KALRN: variants seen among roughly 807,000 people sequenced by gnomAD.
The protein encoded by KALRN is kalirin RhoGEF kinase.
Under a neutral mutation model 353.7 loss-of-function variants are expected in KALRN, and 70 were observed. That is an observed-to-expected ratio of 0.20 (90% CI 0.16 to 0.24). KALRN has a LOEUF of 0.24. Among genes scored for constraint, KALRN ranks in the 10% least tolerant of loss-of-function variants. The probability of loss-of-function intolerance (pLI) is 1.00; values close to 1 mark genes in which losing one functional copy is unlikely to be tolerated. For synonymous variants in KALRN, 1,391 were observed against 1,434.8 expected, an observed-to-expected ratio of 0.97 and a Z score of 0.69; for missense variants, 2,791 against 3,756.7, an observed-to-expected ratio of 0.74 and a Z score of 6.72.
At chr3:124,305,727 A>G (rs2077635332) in intron 6 of KALRN, among the ~76,000 whole-genome samples, 1 of 152,128 alleles carries the variant, frequency 6.6e-6, no homozygotes, top group Admixed American at 6.5e-5. Context: ...CCAGTCACTA[A>G]ACAAATAAGC....
In KALRN at chr3:124,398,802, G is replaced by A. The variant is rs560939156; in HGVS notation, c.2277G>A (p.Leu759=). The stretch of plus-strand genomic sequence containing the variant: ...ATGCCCAGGTGCAGATGGAGGAGCT[G>A]TTCCACGAGCGGAAGATCAAGCTGG... ...LDDAQVQMEE[L]FHERKIKLDI... The change falls in exon 13 of 60, where the codon CTG becomes CTA. Residue 759 remains leucine, a synonymous_variant. Coordinates refer to ENST00000682506, the MANE Select transcript of KALRN (RefSeq NM_001388419.1). 5.6e-5 allele frequency: 90 copies of A among 1,614,180 alleles called. 1 individual carries two copies. The highest frequency in any genetic ancestry group is 1.4e-4 in the South Asian group (13 of 91,082).
At chr3:124,243,195 C>G (rs1226630097) in intron 3 of KALRN, among the ~76,000 whole-genome samples, 1 of 152,158 alleles carries the variant, frequency 6.6e-6, no homozygotes, top group African/African-American at 2.4e-5. Flanking sequence ...TTTGAGGCTC[C>G]TTCATTTCCA....
intron 33 of KALRN, among the ~76,000 whole-genome samples, chr3:124,551,079 G>A (rs1447990673): frequency 6.6e-6 from 1 of 152,200 alleles, no homozygotes; most frequent in Non-Finnish European, 1.5e-5. Context: ...GTGTTCCCTA[G>A]AGGGCATGTC....
intron 1 of KALRN, among the ~76,000 whole-genome samples, chr3:124,165,011 T>A (rs1457313248): frequency 1.3e-5 from 2 of 152,236 alleles, no homozygotes; most frequent in Non-Finnish European, 2.9e-5. Context: ...ATAAAATCTA[T>A]CAGCTCTCAT....
chr3:124,391,597 G>A (rs2089395279), intron 11 of KALRN, among the ~76,000 whole-genome samples: 1 of 152,156 alleles, frequency 6.6e-6, no homozygotes, highest in Non-Finnish European at 1.5e-5. Flanking sequence ...GACATACATA[G>A]AGGAAACCTT....
intron 3 of KALRN, among the ~76,000 whole-genome samples, chr3:124,256,484 T>C (rs2072001841): frequency 6.6e-6 from 1 of 152,192 alleles, no homozygotes; most frequent in Non-Finnish European, 1.5e-5. Context: ...TTTTTAAGCC[T>C]TCTCCAAAGA....
chr3:124,254,212 A>T (rs1030961286), intron 3 of KALRN, among the ~76,000 whole-genome samples: 2 of 152,124 alleles, frequency 1.3e-5, no homozygotes, highest in African/African-American at 4.8e-5. Context: ...TGTCACTTCC[A>T]GAGTTCTCAT....
At chr3:124,114,767 G>A (rs1316375) in intron 1 of KALRN, among the ~76,000 whole-genome samples, 18,515 of 152,164 alleles carry the variant, frequency 0.12, 1,570 homozygotes, top group East Asian at 0.46. Context: ...GGGCTGAGGT[G>A]CAACATGAGG....
rs779035056 is a variant in KALRN, at chr3:124,696,307, C to T, written c.7699+52C>T. 2.6e-6 allele frequency: 4 copies of T among 1,560,520 alleles called. No homozygotes were observed. The South Asian group carries it at 4.6e-5, about 18-fold the overall frequency. ...TTTGAAATATATATATATTTTTAGA[C>T]AGGTTCTTGCTCTGCTGCCCAGGCA... On this transcript the variant is annotated intron_variant, in intron 54 of 59. Coordinates refer to ENST00000682506, the MANE Select transcript of KALRN (RefSeq NM_001388419.1).
At chr3:124,468,740 T>C (rs906647170) in intron 25 of KALRN, among the ~76,000 whole-genome samples, 1 of 152,378 alleles carries the variant, frequency 6.6e-6, no homozygotes, top group African/African-American at 2.4e-5. Context: ...AGCTGTCATT[T>C]TCTTAATAGT....
chr3:124,658,237 GT>G (rs2084343526), intron 41 of KALRN, among the ~76,000 whole-genome samples, 193 bp from the exon 42 acceptor site: 2 of 151,880 alleles, frequency 1.3e-5, no homozygotes, highest in South Asian at 2.1e-4. Flanking sequence ...AAGTTTTTTT[GT>G]TTTTTTGACC....
chr3:124,223,945 G>A (rs1025380715), intron 1 of KALRN, among the ~76,000 whole-genome samples: 1 of 152,194 alleles, frequency 6.6e-6, no homozygotes, highest in African/African-American at 2.4e-5. Flanking sequence ...TGGGGAGATG[G>A]CAGGGGTAAT....
intron 1 of KALRN, among the ~76,000 whole-genome samples, chr3:124,227,663 GTTTTTTTTTTTTTTTTTTTTTTTTTT>G (rs747087120): frequency 1.4e-4 from 10 of 69,228 alleles, no homozygotes; most frequent in Non-Finnish European, 2.6e-4. Flanking sequence ...CAACAGGGCT[GTTTTTTTTTTTTTTTTTTTTTTTTTT>G]TTTTTTTTTT....
intron 2 of KALRN, among the ~76,000 whole-genome samples, chr3:124,228,506 G>GT (rs1036557772): frequency 4.7e-4 from 72 of 152,076 alleles, no homozygotes; most frequent in African/African-American, 1.7e-3. Context: ...TTTAGTTTTT[G>GT]TTTTTTTCTG....
At chr3:124,096,982 C>A (rs1164948149) in intron 1 of KALRN, among the ~76,000 whole-genome samples, 1 of 152,170 alleles carries the variant, frequency 6.6e-6, no homozygotes, top group African/African-American at 2.4e-5. Context: ...GTATTTCTAT[C>A]TATAGGGTTT....
At chr3:124,574,251 C>G (rs1056561221) in intron 34 of KALRN, among the ~76,000 whole-genome samples, 1 of 152,206 alleles carries the variant, frequency 6.6e-6, no homozygotes, top group African/African-American at 2.4e-5. Context: ...AACTCAGTGT[C>G]GTGCTGTCTC....
At chr3:124,586,151 A>G (rs1037483878) in intron 34 of KALRN, among the ~76,000 whole-genome samples, 3 of 152,216 alleles carry the variant, frequency 2.0e-5, no homozygotes, top group Admixed American at 1.3e-4. Context: ...ATTCAGATGA[A>G]GAAGGAATGT....
chr3:124,664,380 C>CGCGT (rs1553719966), intron 45 of KALRN, among the ~76,000 whole-genome samples: 5 of 149,172 alleles, frequency 3.4e-5, no homozygotes, highest in African/African-American at 7.5e-5. Flanking sequence ...TGCGCGCGCG[C>CGCGT]GCATATAAGG....
intron 21 of KALRN, among the ~76,000 whole-genome samples, chr3:124,451,458 T>G (rs955838650): frequency 2.0e-5 from 3 of 152,164 alleles, no homozygotes; most frequent in East Asian, 3.8e-4. Context: ...CCAGATGAAT[T>G]ATGGTACCCA....
Sources: allele counts gnomAD v4.1 joint callset (sites outside exome capture counted in the v4.1 genomes callset), GRCh38; gene constraint gnomAD v4.1.1; transcripts MANE v1.5; gene names NCBI Gene and HGNC (gene_info 2026-07-23, HGNC 2026-07-21).